B3GLCT: variants seen among roughly 807,000 people sequenced by gnomAD.
The protein encoded by B3GLCT is beta-1,3-glucosyltransferase.
In B3GLCT, 65 loss-of-function variants were observed where a neutral mutation model predicts 63.4. The ratio of observed to expected loss-of-function variants is 1.03; its 90% CI spans 0.84 to 1.26. The LOEUF is 1.26. B3GLCT is among the 50% of genes most tolerant of loss of function. The probability of loss-of-function intolerance (pLI) is 0.00; values close to 1 mark genes in which losing one functional copy is unlikely to be tolerated. For synonymous variants in B3GLCT, 233 were observed against 219.2 expected (o/e 1.06, Z -0.55); for missense variants, 577 against 604.8 (o/e 0.95, Z 0.48).
chr13:31,332,092 T>TG lies in B3GLCT; in HGVS notation c.*2425dup, dbSNP rs1181606656. 6.6e-6 allele frequency: 1 copy of TG among 152,176 alleles called. No homozygotes were observed. Among genetic ancestry groups the TG allele is most frequent in the Non-Finnish European group, 1.5e-5 (1 of 68,022 alleles). The allele number at this position is 152,176 out of a possible 1,614,324, so 9.4% of individuals were successfully genotyped here. A position where few individuals can be genotyped will look rare whatever the true frequency, so the allele number is the denominator to read the frequency against. On this transcript the variant is annotated 3_prime_UTR_variant, in exon 15 of 15. Coordinates refer to ENST00000343307, the MANE Select transcript of B3GLCT (RefSeq NM_194318.4). ...TAATAGCATGCTAAATCACAAATGA[T>TG]GCTATGTATGGGTATGTAAATATCA...
At chr13:31,274,860 C>T (rs747954021) in intron 9 of B3GLCT, among the ~76,000 whole-genome samples, 2 of 152,130 alleles carry the variant, frequency 1.3e-5, no homozygotes, top group African/African-American at 2.4e-5. Flanking sequence ...CTTCCTTCCT[C>T]CCCTTTTTAG....
At chr13:31,224,153 T>TG (rs1869973422) in intron 3 of B3GLCT, among the ~76,000 whole-genome samples, 1 of 152,130 alleles carries the variant, frequency 6.6e-6, no homozygotes, top group African/African-American at 2.4e-5. Flanking sequence ...GGGAGTGTTT[T>TG]GGGGTCTGCG....
At chr13:31,290,988 T>C (rs907157875) in intron 12 of B3GLCT, among the ~76,000 whole-genome samples, 12 of 152,216 alleles carry the variant, frequency 7.9e-5, no homozygotes, top group Non-Finnish European at 1.6e-4. Flanking sequence ...CTCTTTATGG[T>C]TTTAGGTCTT....
intron 12 of B3GLCT, among the ~76,000 whole-genome samples, chr13:31,317,093 G>A (rs2137934706): frequency 6.6e-6 from 1 of 152,198 alleles, no homozygotes; most frequent in East Asian, 1.9e-4. Context: ...TGCCAGCCAG[G>A]GGCCCAACAT....
chr13:31,320,170 C>T (rs1228318117), intron 13 of B3GLCT, among the ~76,000 whole-genome samples: 2 of 152,188 alleles, frequency 1.3e-5, no homozygotes, highest in African/African-American at 4.8e-5. Flanking sequence ...GTCCTGTCTC[C>T]CCTCTGCTCA....
At chr13:31,317,298 A>G (rs2137935003) in intron 12 of B3GLCT, among the ~76,000 whole-genome samples, 1 of 152,326 alleles carries the variant, frequency 6.6e-6, no homozygotes, top group South Asian at 2.1e-4. Context: ...CAGCCGTATT[A>G]TGGCAGGGGC....
intron 6 of B3GLCT, among the ~76,000 whole-genome samples, chr13:31,252,102 C>A (rs1445325304): frequency 6.6e-6 from 1 of 152,158 alleles, no homozygotes; most frequent in East Asian, 1.9e-4. Context: ...CCAGAATTTT[C>A]ATATCCAGCC....
chr13:31,309,040 C>A (rs1004671019), intron 12 of B3GLCT, among the ~76,000 whole-genome samples: 8 of 152,268 alleles, frequency 5.3e-5, no homozygotes, highest in South Asian at 4.1e-4. Flanking sequence ...TGAACCAATT[C>A]TCCATCTCTA....
chr13:31,260,167 C>T (rs957638285), intron 6 of B3GLCT, among the ~76,000 whole-genome samples: 2 of 152,292 alleles, frequency 1.3e-5, no homozygotes, highest in South Asian at 4.1e-4. Context: ...TTTTTCCCAC[C>T]TCAGGGACTT....
At chr13:31,202,439 A>G (rs1354864290) in intron 1 of B3GLCT, among the ~76,000 whole-genome samples, 1 of 152,200 alleles carries the variant, frequency 6.6e-6, no homozygotes, top group Non-Finnish European at 1.5e-5. Context: ...ATAGAATACT[A>G]GCACTTTGCC....
chr13:31,272,308 TG>T (rs1356731451), intron 8 of B3GLCT, among the ~76,000 whole-genome samples: 7 of 150,670 alleles, frequency 4.6e-5, no homozygotes, highest in Non-Finnish European at 1.0e-4. Flanking sequence ...CTCCACATCC[TG>T]GGTTCAAGCA....
chr13:31,232,690 C>T (rs559230449), intron 4 of B3GLCT, among the ~76,000 whole-genome samples: 1 of 152,218 alleles, frequency 6.6e-6, no homozygotes, highest in Admixed American at 6.5e-5. Context: ...TCATGTATCC[C>T]CATAAAGGTT....
intron 1 of B3GLCT, among the ~76,000 whole-genome samples, chr13:31,206,335 T>C (rs1868950065): frequency 6.6e-6 from 1 of 152,192 alleles, no homozygotes; most frequent in Admixed American, 6.5e-5. Context: ...AAATGAGACT[T>C]CCAGGTAAGT....
rs190530138 is a variant in B3GLCT, at chr13:31,234,867, G to A, written c.270+5573G>A. On this transcript the variant is annotated intron_variant, in intron 4 of 14. Coordinates refer to ENST00000343307, the MANE Select transcript of B3GLCT (RefSeq NM_194318.4). ...TTGAGGATTACTACCAGGGAGTGCC[G>A]TTAGGGAGTAGACCTGGTAGAGTTT... is the stretch of plus-strand genomic sequence containing the variant. Among the ~76,000 whole-genome samples, 60 of 152,274 alleles carry A rather than the reference G, an allele frequency of 3.9e-4. 1 individual carries two copies. Among genetic ancestry groups the A allele is most frequent in the Admixed American group, 1.5e-3 (23 of 15,300 alleles).
intron 12 of B3GLCT, among the ~76,000 whole-genome samples, chr13:31,288,568 C>A (rs934805649): frequency 6.6e-6 from 1 of 152,182 alleles, no homozygotes; most frequent in African/African-American, 2.4e-5. Context: ...ATCCAAGTCC[C>A]CAGCAAAATT....
chr13:31,214,991 G>A, intron 1 of B3GLCT, 60 bp from the exon 2 acceptor site: 1 of 1,460,318 alleles, frequency 6.8e-7, no homozygotes, highest in Non-Finnish European at 9.4e-7. Flanking sequence ...TGTTGGATGT[G>A]AGAATTAACC....
chr13:31,239,730 C>G (rs1924824), intron 4 of B3GLCT, among the ~76,000 whole-genome samples: 149,995 of 151,324 alleles, frequency 0.99, 74,349 homozygotes, highest in East Asian at 1. Context: ...AGCCACCAAG[C>G]GGATCCCATG....
chr13:31,203,222 T>G (rs1031407318), intron 1 of B3GLCT, among the ~76,000 whole-genome samples: 4 of 152,194 alleles, frequency 2.6e-5, no homozygotes, highest in Non-Finnish European at 4.4e-5. Context: ...AATTCCAGGT[T>G]GTTTTGTGTT....
intron 11 of B3GLCT, among the ~76,000 whole-genome samples, chr13:31,285,936 C>A (rs951684655): frequency 3.9e-5 from 6 of 151,976 alleles, no homozygotes; most frequent in Non-Finnish European, 7.4e-5. Flanking sequence ...CTTTGAAACA[C>A]GTATTGTAAT....
Sources: allele counts gnomAD v4.1 joint callset (sites outside exome capture counted in the v4.1 genomes callset), GRCh38; gene constraint gnomAD v4.1.1; transcripts MANE v1.5; gene names NCBI Gene and HGNC (gene_info 2026-07-23, HGNC 2026-07-21).